The following SLC25A24 variants were observed in gnomAD, a reference collection of about 807,000 sequenced individuals.
The protein encoded by SLC25A24 is solute carrier family 25 member 24, also known as mitochondrial adenyl nucleotide antiporter SLC25A24.
In SLC25A24, 49 loss-of-function variants were observed where a neutral mutation model predicts 60.7. That is an observed-to-expected ratio of 0.81 (90% CI 0.64 to 1.02). The LOEUF (loss-of-function observed/expected upper bound fraction) is 1.02. Among genes scored for constraint, SLC25A24 ranks in the 50% least tolerant of loss-of-function variants. The pLI is 0.00. For synonymous variants in SLC25A24, 202 were observed against 200.6 expected, an observed-to-expected ratio of 1.01 and a Z score of -0.06; for missense variants, 564 against 586.3, an observed-to-expected ratio of 0.96 and a Z score of 0.39.
chr1:108,139,769 G>A (rs986765308), intron 8 of SLC25A24, among the ~76,000 whole-genome samples: 4 of 151,950 alleles, frequency 2.6e-5, no homozygotes, highest in Non-Finnish European at 5.9e-5. Context: ...CCACCACCAC[G>A]CCCAGCTAAT....
rs904709170 is a variant in SLC25A24 at position 108,191,716 on chromosome 1, T to C, written c.184-5762A>G. ...AACATGACAGAACTCAACTGACAGT[T>C]TTTTGGGCACGAAGTACCAATTATC... On this transcript the variant is annotated intron_variant, in intron 1 of 9. Coordinates refer to ENST00000565488, the MANE Select transcript of SLC25A24 (RefSeq NM_013386.5). Among the ~76,000 whole-genome samples the C allele has an allele frequency of 6.4e-5, 9 of 139,986 alleles. 1 individual carries two copies. The highest frequency in any genetic ancestry group is 1.5e-4 in the African/African-American group (6 of 40,228). 91.8% of individuals were successfully genotyped at this position (139,986 alleles called of 152,430 possible). A position where few individuals can be genotyped will look rare whatever the true frequency, so the allele number is the denominator to read the frequency against.
chr1:108,142,078 C>G (rs990425296), intron 8 of SLC25A24, among the ~76,000 whole-genome samples: 4 of 152,086 alleles, frequency 2.6e-5, no homozygotes, highest in African/African-American at 7.2e-5. Context: ...CACCTCACAC[C>G]TAAGAGGACG....
intron 1 of SLC25A24, among the ~76,000 whole-genome samples, chr1:108,187,927 G>GATATATAGATATATATATATAT (rs1553256779): frequency 1.0e-5 from 1 of 95,748 alleles, no homozygotes; most frequent in South Asian, 3.2e-4. Context: ...AGACATTATA[G>GATATATAGATATATATATATAT]ATATATATAT....
intron 2 of SLC25A24, among the ~76,000 whole-genome samples, chr1:108,183,587 T>C (rs1648014344): frequency 6.6e-6 from 1 of 152,226 alleles, no homozygotes; most frequent in Non-Finnish European, 1.5e-5. Flanking sequence ...ATGTGTGCTG[T>C]TGATTCACTA....
At chr1:108,150,970 G>GCAGGAGGACCACTTGAGGT (rs6143365) in intron 6 of SLC25A24, among the ~76,000 whole-genome samples, 70,819 of 151,106 alleles carry the variant, frequency 0.47, 16,813 homozygotes, top group Middle Eastern at 0.58. Context: ...GGAGGCTGAG[G>GCAGGAGGACCACTTGAGGT]CAGGAGGACC....
rs565443508 is a variant in SLC25A24, at chr1:108,135,136, A to C, written c.*1517T>G. On this transcript the variant is annotated 3_prime_UTR_variant, in exon 10 of 10. Coordinates refer to ENST00000565488, the MANE Select transcript of SLC25A24 (RefSeq NM_013386.5). ...AATATTGTCACTTTATATATTACTC[A>C]AAAGTACAAATAACCCTAAAAGTAG... 4 of 152,712 alleles carry C rather than the reference A, an allele frequency of 2.6e-5. No individual in the cohort carries two copies. The highest frequency in any genetic ancestry group is 9.6e-5 in the African/African-American group (4 of 41,600). 9.5% of individuals were successfully genotyped at this position (152,712 alleles called of 1,614,324 possible). A position where few individuals can be genotyped will look rare whatever the true frequency, so the allele number is the denominator to read the frequency against.
chr1:108,168,246 G>A (rs1159669039), intron 3 of SLC25A24, among the ~76,000 whole-genome samples: 7 of 152,230 alleles, frequency 4.6e-5, no homozygotes, highest in Middle Eastern at 3.4e-3. Context: ...CCAGCACAGA[G>A]GTATATCTGC....
chr1:108,148,556 A>C (rs1679669647), intron 6 of SLC25A24, among the ~76,000 whole-genome samples, 170 bp from the exon 7 acceptor site: 1 of 151,870 alleles, frequency 6.6e-6, no homozygotes. Flanking sequence ...TCATGACAGG[A>C]TCAGTGTTCT....
chr1:108,148,124 G>C (rs1420504851), intron 7 of SLC25A24, among the ~76,000 whole-genome samples, 155 bp downstream of exon 7: 1 of 152,122 alleles, frequency 6.6e-6, no homozygotes, highest in Non-Finnish European at 1.5e-5. Flanking sequence ...TGAGCCAGAG[G>C]CACCCAGCTA....
chr1:108,147,653 A>G (rs1373314738), intron 7 of SLC25A24, among the ~76,000 whole-genome samples: 1 of 152,202 alleles, frequency 6.6e-6, no homozygotes, highest in Non-Finnish European at 1.5e-5. Flanking sequence ...TCTAATTAGG[A>G]TAATCACCAT....
Position 108,136,805 on chromosome 1 carries a change from C to A in SLC25A24, c.1282G>T (p.Val428Phe), listed in dbSNP as rs560890849. ...MLEGSPQLNMVGLFRRIISKE... is the reference protein window; with the variant it reads ...MLEGSPQLNMFGLFRRIISKE... ...GAAATAATTCGTCGAAAGAGGCCAACCATATTCAGCTGTGGGGAACCTTCT... is the reference window on the plus strand; with the variant it reads ...GAAATAATTCGTCGAAAGAGGCCAAACATATTCAGCTGTGGGGAACCTTCT... The change falls in exon 10 of 10, where the codon GTT (valine) becomes TTT (phenylalanine). Residue 428 changes from valine (V) to phenylalanine (F), a missense_variant. By Grantham distance (50) the Val-to-Phe change is conservative. Coordinates refer to ENST00000565488, the MANE Select transcript of SLC25A24 (RefSeq NM_013386.5). The A allele has an allele frequency of 1.2e-6, 2 of 1,613,870 alleles. No individual in the cohort carries two copies. The highest frequency in any genetic ancestry group is 1.3e-5 in the African/African-American group (1 of 74,878).
rs760623345 is a variant in SLC25A24, at chr1:108,192,490, A to G, written c.184-6536T>C. On this transcript the variant is annotated intron_variant, in intron 1 of 9. Coordinates refer to ENST00000565488, the MANE Select transcript of SLC25A24 (RefSeq NM_013386.5). ...TCTCTCTGATTACAGCCCCAGTGAGACCCACCTTCGCTTCCTCTAGAGATT... is the reference window on the plus strand; with the variant it reads ...TCTCTCTGATTACAGCCCCAGTGAGGCCCACCTTCGCTTCCTCTAGAGATT... 10 of 1,483,478 alleles carry G rather than the reference A, an allele frequency of 6.7e-6. 1 individual carries two copies. The highest frequency in any genetic ancestry group is 6.4e-6 in the Non-Finnish European group (7 of 1,101,630). 91.9% of individuals were successfully genotyped at this position (1,483,478 alleles called of 1,614,324 possible).
In SLC25A24 at chr1:108,135,497, T is replaced by C. The variant is rs1347220034; in HGVS notation, c.*1156A>G. ...GACTATAAAAATGGCTTTAGTAAAA[T>C]AAAAAAATGCTCTCATTATTATAAA... On this transcript the variant is annotated 3_prime_UTR_variant, in exon 10 of 10. Coordinates refer to ENST00000565488, the MANE Select transcript of SLC25A24 (RefSeq NM_013386.5). The C allele has an allele frequency of 1.3e-5, 2 of 152,160 alleles. No individual in the cohort carries two copies. The highest frequency in any genetic ancestry group is 1.5e-5 in the Non-Finnish European group (1 of 67,976). 9.4% of individuals were successfully genotyped at this position (152,160 alleles called of 1,614,324 possible).
chr1:108,157,820 G>A (rs1358133819), intron 4 of SLC25A24, among the ~76,000 whole-genome samples, 200 bp from the exon 5 acceptor site: 1 of 152,128 alleles, frequency 6.6e-6, no homozygotes, highest in East Asian at 1.9e-4. Flanking sequence ...CACAAGAAAT[G>A]AAAATAAACA....
At chr1:108,189,172 T>C (rs2101644702) in intron 1 of SLC25A24, among the ~76,000 whole-genome samples, 1 of 152,340 alleles carries the variant, frequency 6.6e-6, no homozygotes, top group African/African-American at 2.4e-5. Context: ...TTGAACAGTT[T>C]TTTTTAACCC....
At chr1:108,188,674 T>C (rs985461840) in intron 1 of SLC25A24, among the ~76,000 whole-genome samples, 1 of 152,172 alleles carries the variant, frequency 6.6e-6, no homozygotes, top group Non-Finnish European at 1.5e-5. Context: ...AAGCTTTTTA[T>C]TGCAAGGTGA....
In SLC25A24 at chr1:108,185,916, C is replaced by A. The variant is rs1447934368; in HGVS notation, c.222G>T (p.Lys74Asn). The change falls in exon 2 of 10, where the codon AAG becomes AAT. Residue 74 changes from lysine (K) to asparagine (N), a missense_variant. Coordinates refer to ENST00000565488, the MANE Select transcript of SLC25A24 (RefSeq NM_013386.5). ...ACTTCATAAATTCTTCAAAATCCAG[C>A]TTCCCATCTTTGTTGACATCTCCAG... The part of the protein sequence containing the change: ...FTTGDVNKDG[K>N]LDFEEFMKYL... 1 of 1,598,616 alleles carries A rather than the reference C, an allele frequency of 6.3e-7. No homozygotes were observed. Among genetic ancestry groups the A allele is most frequent in the South Asian group, 1.1e-5 (1 of 88,528 alleles).
Position 108,161,217 on chromosome 1 carries a change from T to G in SLC25A24, c.475A>C (p.Ile159Leu). ...TTCCAGAAACGGATAATTTCCTCAA[T>G]GTCTGTAACAGGATTAAATAAGAAG... ...DYFLFNPVTD[I>L]EEIIRFWKHS... The change falls in exon 4 of 10, where the codon ATT becomes CTT. Residue 159 changes from isoleucine to leucine, a missense_variant. Ile to Leu is a conservative substitution (Grantham distance 5). Coordinates refer to ENST00000565488, the MANE Select transcript of SLC25A24 (RefSeq NM_013386.5). The G allele has an allele frequency of 1.3e-6, 2 of 1,593,792 alleles. No individual in the cohort carries two copies. Among genetic ancestry groups the G allele is most frequent in the Non-Finnish European group, 1.7e-6 (2 of 1,162,240 alleles).
intron 1 of SLC25A24, among the ~76,000 whole-genome samples, chr1:108,187,927 G>GAGATATATATATATATATATATATATAT (rs1553256780): frequency 4.2e-5 from 4 of 95,774 alleles, no homozygotes; most frequent in African/African-American, 1.7e-4. Context: ...AGACATTATA[G>GAGATATATATATATATATATATATATAT]ATATATATAT....
Sources: allele counts gnomAD v4.1 joint callset (sites outside exome capture counted in the v4.1 genomes callset), GRCh38; gene constraint gnomAD v4.1.1; transcripts MANE v1.5; gene names NCBI Gene and HGNC (gene_info 2026-07-23, HGNC 2026-07-21).